Variants in ZNF90 observed in about 807,000 individuals in gnomAD.
ZNF90 encodes zinc finger protein HTF9.
A neutral mutation model predicts 12.0 loss-of-function variants in ZNF90; 11 were observed. The ratio of observed to expected loss-of-function variants is 0.92; its 90% CI spans 0.58 to 1.52. The LOEUF (loss-of-function observed/expected upper bound fraction) is 1.52, where lower values mean the gene tolerates loss of function less well. Ranked by LOEUF, ZNF90 falls within the 40% of genes most tolerant of loss-of-function variation. The pLI, the probability that ZNF90 is intolerant of heterozygous loss-of-function variation, is 0.00. For synonymous variants in ZNF90, 232 were observed against 240.1 expected (o/e 0.97, Z 0.31); for missense variants, 765 against 711.5 (o/e 1.08, Z -0.86).
chr19:20,110,355 T>G (rs371736662), intron 3 of ZNF90, among the ~76,000 whole-genome samples: 1 of 152,054 alleles, frequency 6.6e-6, no homozygotes, highest in East Asian at 1.9e-4. Context: ...CTTGGCTCAC[T>G]GCAACCCCTG....
intron 1 of ZNF90, among the ~76,000 whole-genome samples, chr19:20,099,758 G>C (rs2088975083): frequency 6.6e-6 from 1 of 152,200 alleles, no homozygotes; most frequent in African/African-American, 2.4e-5. Context: ...AAAAGCAGGG[G>C]CCATTGTACA....
rs782316112 is a variant in ZNF90, at chr19:20,105,323, G to T, written c.226+7G>T. 3.1e-6 allele frequency: 5 copies of T among 1,600,482 alleles called. No homozygotes were observed. In the East Asian group the frequency reaches 1.1e-4, roughly 36 times the overall value. On this transcript the variant is annotated splice_region_variant and intron_variant, in intron 3 of 3. Transcript: ENST00000418063. ...ATGATTGCCAAATCCCCAGGTAGGT[G>T]CGAGTGAAAATGAATACAACAGACA... is the stretch of plus-strand genomic sequence containing the variant.
chr19:20,117,901 G>A lies in ZNF90; in HGVS notation c.347G>A (p.Gly116Asp), dbSNP rs781834179. Residue 116 changes from glycine to aspartate, a missense_variant, in exon 4 of 4, where the codon GGT becomes GAT. Coordinates refer to ENST00000418063, the MANE Select transcript of ZNF90 (RefSeq NM_007138.2). Reference sequence around the variant, plus strand: ...TATGGCAATTTAGAGTTAAAAAAAGGTTGTGAAAGTGTGGATGAGGGTAAA... The same window carrying A: ...TATGGCAATTTAGAGTTAAAAAAAGATTGTGAAAGTGTGGATGAGGGTAAA... Reference protein sequence around the residue: ...REYGNLELKKGCESVDEGKVH... With the variant: ...REYGNLELKKDCESVDEGKVH... 9.9e-6 allele frequency: 16 copies of A among 1,612,190 alleles called. No individual in the cohort carries two copies. The Admixed American group carries it at 1.2e-4, about 12-fold the overall frequency.
chr19:20,088,936 G>A (rs139279291), intron 1 of ZNF90, among the ~76,000 whole-genome samples: 2,599 of 152,210 alleles, frequency 0.017, 63 homozygotes, highest in African/African-American at 0.059. Flanking sequence ...GGAGCTCTTC[G>A]GTCCTATTTG....
chr19:20,085,333 C>T (rs1267491597), intron 1 of ZNF90, among the ~76,000 whole-genome samples: 1 of 144,730 alleles, frequency 6.9e-6, no homozygotes, highest in Non-Finnish European at 1.5e-5. Context: ...GATCTCGGCT[C>T]ACTGCAAGCT....
chr19:20,088,165 TAAAAC>T (rs1555702302), intron 1 of ZNF90, among the ~76,000 whole-genome samples: 1 of 151,636 alleles, frequency 6.6e-6, no homozygotes, highest in African/African-American at 2.4e-5. Flanking sequence ...ATAAGAAAAA[TAAAAC>T]AAAATAGTGT....
chr19:20,078,013 C>G lies in ZNF90; in HGVS notation c.-120C>G. 1 of 1,328,084 alleles carries G rather than the reference C, an allele frequency of 7.5e-7. No homozygotes were observed. The highest frequency in any genetic ancestry group is 1.1e-6 in the Non-Finnish European group (1 of 921,784). 82.3% of individuals were successfully genotyped at this position (1,328,084 alleles called of 1,614,324 possible). On this transcript the variant is annotated 5_prime_UTR_variant, in exon 1 of 4. Coordinates refer to ENST00000418063, the MANE Select transcript of ZNF90 (RefSeq NM_007138.2). ...GTTTGGCGCGGCCATTTGTCTCTTG[C>G]TGCAGCTGGTGCTCCAAATCTGGTC...
At chr19:20,079,690 T>G (rs2088805609) in intron 1 of ZNF90, 1 of 172,886 alleles carries the variant, frequency 5.8e-6, no homozygotes, top group East Asian at 1.7e-4. Context: ...AAAATGTGGT[T>G]GTATGTTGAC....
chr19:20,113,971 T>C (rs561317543), intron 3 of ZNF90, among the ~76,000 whole-genome samples: 1 of 152,322 alleles, frequency 6.6e-6, no homozygotes, highest in African/African-American at 2.4e-5. Context: ...TTATGTGTTA[T>C]GTGTCAAAAA....
chr19:20,117,374 T>TCC (rs1299615880), intron 3 of ZNF90, among the ~76,000 whole-genome samples: 12 of 151,180 alleles, frequency 7.9e-5, no homozygotes, highest in African/African-American at 3.0e-4. Context: ...TTTTCTTTTT[T>TCC]TTCCTTTCTT....
intron 1 of ZNF90, chr19:20,080,268 G>T: frequency 1.7e-6 from 1 of 578,818 alleles, no homozygotes; most frequent in Non-Finnish European, 3.4e-6. Flanking sequence ...TCTTGGTACG[G>T]ACTAGCTCGT....
intron 3 of ZNF90, among the ~76,000 whole-genome samples, chr19:20,106,110 A>G (rs1379806585): frequency 1.7e-4 from 23 of 134,140 alleles, no homozygotes; most frequent in African/African-American, 6.3e-4. Flanking sequence ...TTTTCTCAGA[A>G]ATTTATTCAA....
In ZNF90 at chr19:20,119,597, CA is replaced by C. The variant is rs1426889712; in HGVS notation, c.*240del. 7.0e-6 allele frequency: 3 copies of C among 428,128 alleles called. No homozygotes were observed. The highest frequency in any genetic ancestry group is 6.1e-5 in the African/African-American group (3 of 48,954). The allele number at this position is 428,128 out of a possible 1,614,324, so 26.5% of individuals were successfully genotyped here. On this transcript the variant is annotated 3_prime_UTR_variant, in exon 4 of 4. Coordinates refer to ENST00000418063, the MANE Select transcript of ZNF90 (RefSeq NM_007138.2). ...AACTCTACAGGTGTGAAAAATGCAG[CA>C]AAGCCTATAACAAGTTCTCAATTCT...
chr19:20,087,993 C>T (rs535074600), intron 1 of ZNF90, among the ~76,000 whole-genome samples: 6 of 152,160 alleles, frequency 3.9e-5, no homozygotes, highest in African/African-American at 1.4e-4. Flanking sequence ...TTTACACTTC[C>T]TTTGTGGTGG....
rs534439133 is a variant in ZNF90, at chr19:20,119,267, C to T, written c.1713C>T (p.Gly571=). The change falls in exon 4 of 4, where the codon GGC becomes GGT. Residue 571 remains glycine, a synonymous_variant. Transcript: ENST00000418063. ...GEKPYKCEEC[G]KAFNLSSDLN... ...AACCCTACAAATGTGAAGAATGTGG[C>T]AAAGCTTTTAACTTGTCCTCAGACC... The T allele has an allele frequency of 2.0e-5, 33 of 1,613,714 alleles. No individual in the cohort carries two copies. The African/African-American group carries it at 4.0e-4, about 20-fold the overall frequency.
intron 3 of ZNF90, among the ~76,000 whole-genome samples, chr19:20,116,387 C>A (rs2089137682): frequency 6.6e-6 from 1 of 152,154 alleles, no homozygotes; most frequent in South Asian, 2.1e-4. Context: ...CTAGGCTGGT[C>A]TCATACTCCT....
chr19:20,088,611 A>G (rs1475778296), intron 1 of ZNF90, among the ~76,000 whole-genome samples: 1 of 152,162 alleles, frequency 6.6e-6, no homozygotes, highest in African/African-American at 2.4e-5. Flanking sequence ...TGATTTAGGT[A>G]AAAACAACAC....
intron 1 of ZNF90, among the ~76,000 whole-genome samples, chr19:20,093,416 A>G (rs1381945938): frequency 6.6e-6 from 1 of 152,086 alleles, no homozygotes; most frequent in Non-Finnish European, 1.5e-5. Flanking sequence ...GGTAATGGGC[A>G]TGTGATCGGT....
chr19:20,117,887 A>T lies in ZNF90; in HGVS notation c.333A>T (p.Leu111Phe), dbSNP rs781996480. The T allele has an allele frequency of 1.2e-6, 2 of 1,611,724 alleles. No individual in the cohort carries two copies. The highest frequency in any genetic ancestry group is 1.7e-5 in the Admixed American group (1 of 59,362). Residue 111 changes from leucine (L) to phenylalanine (F), a missense_variant, in exon 4 of 4, where the codon TTA becomes TTT. By Grantham distance (22) the Leu-to-Phe change is conservative (BLOSUM62 0). Transcript: ENST00000418063. ...TRYEKREYGN[L>F]ELKKGCESVD... is the part of the protein sequence containing the mutation. ...ATGAAAAACGTGAATATGGCAATTT[A>T]GAGTTAAAAAAAGGTTGTGAAAGTG...
Sources: gnomAD v4.1 joint callset for allele counts (sites outside exome capture counted in the v4.1 genomes callset) on GRCh38, gnomAD v4.1.1 for gene constraint, MANE v1.5 for transcripts, NCBI Gene and HGNC (gene_info 2026-07-23, HGNC 2026-07-21) for gene names.